The following PDE7B variants were observed in gnomAD, a reference collection of about 807,000 sequenced individuals.
The protein encoded by PDE7B is 3',5'-cyclic-AMP phosphodiesterase 7B.
In PDE7B, 29 loss-of-function variants were observed where a neutral mutation model predicts 56.2. The observed-to-expected ratio is 0.52, with a 90% confidence interval of 0.38 to 0.70. PDE7B has a LOEUF of 0.70. Ranked by LOEUF, PDE7B falls within the 30% of genes least tolerant of loss-of-function variation. The pLI is 0.00. For missense variants in PDE7B, 490 were observed against 565.0 expected, an observed-to-expected ratio of 0.87 and a Z score of 1.35; for synonymous variants, 197 against 196.9, an observed-to-expected ratio of 1.00 and a Z score of 0.00.
chr6:136,173,776 T>G, intron 8 of PDE7B, 21 bp from the exon 9 acceptor site: 1 of 1,499,660 alleles, frequency 6.7e-7, no homozygotes, highest in Non-Finnish European at 9.3e-7. Flanking sequence ...CATTTATAAC[T>G]CTTATTTTCT....
At chr6:136,119,725 A>G (rs1032362463) in intron 3 of PDE7B, among the ~76,000 whole-genome samples, 2 of 152,194 alleles carry the variant, frequency 1.3e-5, no homozygotes, top group Non-Finnish European at 2.9e-5. Flanking sequence ...GCAAACAAAA[A>G]CAAAAAACAG....
intron 1 of PDE7B, among the ~76,000 whole-genome samples, chr6:135,863,542 A>G (rs1775191473): frequency 6.6e-6 from 1 of 151,808 alleles, no homozygotes; most frequent in African/African-American, 2.4e-5. Flanking sequence ...GACTGGGGGG[A>G]GTGTGATTAG....
chr6:136,160,940 A>G (rs1191047137), intron 8 of PDE7B, among the ~76,000 whole-genome samples: 2 of 152,230 alleles, frequency 1.3e-5, no homozygotes, highest in East Asian at 1.9e-4. Context: ...GAAACAGAAA[A>G]TAAGTAAAAT....
rs563756087 is a variant in PDE7B, at chr6:135,998,494, C to T, written c.82+50970C>T. On this transcript the variant is annotated intron_variant, in intron 2 of 12. Coordinates refer to ENST00000308191, the MANE Select transcript of PDE7B (RefSeq NM_018945.4). ...ACTCCTGGCCAGGCGTGGTGGCTCA[C>T]GCCTGTAATCCCAGCACTTTGGGAG... Among the ~76,000 whole-genome samples, 5 of 151,886 alleles carry T rather than the reference C, an allele frequency of 3.3e-5. No individual in the cohort carries two copies. The South Asian group carries it at 6.2e-4, about 19-fold the overall frequency.
At chr6:135,979,147 G>C (rs1460894560) in intron 2 of PDE7B, among the ~76,000 whole-genome samples, 1 of 151,924 alleles carries the variant, frequency 6.6e-6, no homozygotes, top group Non-Finnish European at 1.5e-5. Context: ...TGTGGTTTTT[G>C]TCTTTGGTTC....
chr6:135,978,433 G>C (rs1775230070), intron 2 of PDE7B, among the ~76,000 whole-genome samples: 1 of 152,106 alleles, frequency 6.6e-6, no homozygotes, highest in Non-Finnish European at 1.5e-5. Flanking sequence ...GTACACTTCT[G>C]TAGTCTTTAT....
intron 1 of PDE7B, among the ~76,000 whole-genome samples, chr6:135,935,172 T>TTATA (rs1163001997): frequency 2.0e-5 from 1 of 51,160 alleles, no homozygotes; most frequent in Non-Finnish European, 3.2e-5. Flanking sequence ...ACAGAGAATT[T>TTATA]TATATATATA....
chr6:136,024,987 G>A (rs1022788895), intron 2 of PDE7B, among the ~76,000 whole-genome samples: 2 of 152,104 alleles, frequency 1.3e-5, no homozygotes, highest in African/African-American at 2.4e-5. Context: ...GCTCTTGGGG[G>A]AAAACGTGAC....
Position 136,032,765 on chromosome 6 carries a change from A to G in PDE7B, c.83-75966A>G, listed in dbSNP as rs147728141. On this transcript the variant is annotated intron_variant, in intron 2 of 12. Coordinates refer to ENST00000308191, the MANE Select transcript of PDE7B (RefSeq NM_018945.4). ...AACTGTGATATCATATAGCTTAAAA[A>G]TAACAATATTAAATTTTTATAGCAC... Among the ~76,000 whole-genome samples the G allele has an allele frequency of 3.7e-3, 562 of 152,366 alleles. 6 individuals carry two copies. Among genetic ancestry groups the G allele is most frequent in the African/African-American group, 0.012 (513 of 41,584 alleles).
chr6:136,022,689 G>A (rs1776092349), intron 2 of PDE7B, among the ~76,000 whole-genome samples: 1 of 152,132 alleles, frequency 6.6e-6, no homozygotes, highest in South Asian at 2.1e-4. Flanking sequence ...GATACTCACT[G>A]TGCAAGTGGG....
At chr6:136,138,833 T>C (rs934012245) in intron 3 of PDE7B, among the ~76,000 whole-genome samples, 100 of 152,276 alleles carry the variant, frequency 6.6e-4, no homozygotes, top group African/African-American at 2.2e-3. Flanking sequence ...CACATCATGA[T>C]GACCAATTCA....
chr6:135,897,194 A>G (rs921197021), intron 1 of PDE7B, among the ~76,000 whole-genome samples: 1 of 152,146 alleles, frequency 6.6e-6, no homozygotes, highest in African/African-American at 2.4e-5. Context: ...TGGCATAAGC[A>G]CAAACTCTGA....
chr6:135,876,921 T>C (rs1409328556), intron 1 of PDE7B, among the ~76,000 whole-genome samples: 1 of 152,216 alleles, frequency 6.6e-6, no homozygotes, highest in Non-Finnish European at 1.5e-5. Flanking sequence ...TTGCCATATA[T>C]TTATTTCACT....
At chr6:136,083,214 G>A (rs1777233466) in intron 2 of PDE7B, among the ~76,000 whole-genome samples, 1 of 152,158 alleles carries the variant, frequency 6.6e-6, no homozygotes, top group Non-Finnish European at 1.5e-5. Context: ...GAAGACTGAG[G>A]GTGGAACCCT....
chr6:136,167,781 C>G (rs1778818469), intron 8 of PDE7B, among the ~76,000 whole-genome samples: 1 of 152,114 alleles, frequency 6.6e-6, no homozygotes, highest in Non-Finnish European at 1.5e-5. Flanking sequence ...TCTTACTTAG[C>G]AAATTTATAG....
At chr6:135,942,918 C>G (rs1321581102) in intron 1 of PDE7B, among the ~76,000 whole-genome samples, 2 of 152,068 alleles carry the variant, frequency 1.3e-5, no homozygotes, top group Non-Finnish European at 1.5e-5. Flanking sequence ...TTGATGAACA[C>G]TCAGTTGGCC....
chr6:136,122,583 G>A (rs1777954991), intron 3 of PDE7B, among the ~76,000 whole-genome samples: 2 of 152,108 alleles, frequency 1.3e-5, no homozygotes, highest in African/African-American at 4.8e-5. Flanking sequence ...ATTGTTGCCT[G>A]GAAAGCCCAG....
intron 1 of PDE7B, among the ~76,000 whole-genome samples, chr6:135,867,034 A>T (rs1003025642): frequency 6.6e-6 from 1 of 152,140 alleles, no homozygotes; most frequent in African/African-American, 2.4e-5. Context: ...TGTGTGGGGG[A>T]TCTTTCGAGC....
chr6:135,914,377 C>G (rs540089989), intron 1 of PDE7B, among the ~76,000 whole-genome samples: 145 of 151,810 alleles, frequency 9.6e-4, no homozygotes, highest in Non-Finnish European at 1.7e-3. Context: ...CACCCCACTT[C>G]CCAGCACTGA....
Sources: gnomAD v4.1 joint callset for allele counts (sites outside exome capture counted in the v4.1 genomes callset) on GRCh38, gnomAD v4.1.1 for gene constraint, MANE v1.5 for transcripts, NCBI Gene and HGNC (gene_info 2026-07-23, HGNC 2026-07-21) for gene names.